NOVA1: variants seen among roughly 807,000 people sequenced by gnomAD.
The protein encoded by NOVA1 is NOVA alternative splicing regulator 1.
Under a neutral mutation model 38.0 loss-of-function variants are expected in NOVA1, and 7 were observed. The ratio of observed to expected loss-of-function variants is 0.18; its 90% confidence interval spans 0.10 to 0.35. The LOEUF (loss-of-function observed/expected upper bound fraction) is 0.35. Ranked by LOEUF, NOVA1 falls within the 10% of genes least tolerant of loss-of-function variation. The probability of loss-of-function intolerance (pLI) is 1.00; values close to 1 mark genes in which losing one functional copy is unlikely to be tolerated. For missense variants in NOVA1, 460 were observed against 616.0 expected (o/e 0.75, Z 2.68); for synonymous variants, 270 against 232.5 (o/e 1.16, Z -1.47).
At chr14:26,524,611 T>C (rs531400753) in intron 2 of NOVA1, among the ~76,000 whole-genome samples, 1 of 152,288 alleles carries the variant, frequency 6.6e-6, no homozygotes, top group African/African-American at 2.4e-5. Context: ...CTATATTAGG[T>C]CATCTTCCAG....
rs1218543297 is a variant in NOVA1 at position 26,448,198 on chromosome 14, G to C, written c.1285C>G (p.Pro429Ala). 2 of 1,614,026 alleles carry C rather than the reference G, an allele frequency of 1.2e-6. No individual in the cohort carries two copies. Among genetic ancestry groups the C allele is most frequent in the African/African-American group, 1.3e-5 (1 of 74,916 alleles). ...GSKDVVEIAV[P>A]ENLVGAILGK... Reference sequence around the variant, plus strand: ...AGTATTGCACCAACTAAGTTTTCTGGCACTGCTATTTCAACTACATCCTTG... The same window carrying C: ...AGTATTGCACCAACTAAGTTTTCTGCCACTGCTATTTCAACTACATCCTTG... The change falls in exon 5 of 5, where the codon CCA becomes GCA. Residue 429 changes from proline to alanine, a missense_variant. Pro to Ala is a conservative substitution (Grantham distance 27). Coordinates refer to ENST00000539517, the MANE Select transcript of NOVA1 (RefSeq NM_002515.3). The surrounding 1 kb of genome is among the most constrained non-coding windows in gnomAD (Gnocchi z 5.3).
chr14:26,450,710 G>T (rs1252649736), intron 4 of NOVA1, among the ~76,000 whole-genome samples: 1 of 152,056 alleles, frequency 6.6e-6, no homozygotes, highest in Non-Finnish European at 1.5e-5. Context: ...GTTACAATTA[G>T]AAAGTTAAAC....
At position 26,448,103 on chromosome 14, in the gene NOVA1, T is replaced by C; in HGVS notation, c.1380A>G (p.Lys460=). ...LTGARIQISK[K]GEFVPGTRNR... The stretch of plus-strand genomic sequence containing the variant: ...TCCTTGTGCCAGGTACGAATTCTCC[T>C]TTTTTGGAGATCTGTATCCTTGCAC... Residue 460 remains lysine (K), a synonymous_variant, in exon 5 of 5, where the codon AAA becomes AAG. Transcript: ENST00000539517. The surrounding 1 kb of genome is among the most constrained non-coding windows in gnomAD (Gnocchi z 5.3). 1 of 1,614,188 alleles carries C rather than the reference T, an allele frequency of 6.2e-7. No homozygotes were observed. Among genetic ancestry groups the C allele is most frequent in the Non-Finnish European group, 8.5e-7 (1 of 1,180,020 alleles).
intron 2 of NOVA1, chr14:26,593,120 C>CA (rs1653388585): frequency 6.6e-6 from 1 of 151,658 alleles, no homozygotes; most frequent in African/African-American, 2.4e-5. Flanking sequence ...ATGAAAGACA[C>CA]AAAAACGGGC....
At chr14:26,532,259 T>C (rs1022975385) in intron 2 of NOVA1, among the ~76,000 whole-genome samples, 1 of 152,326 alleles carries the variant, frequency 6.6e-6, no homozygotes, top group South Asian at 2.1e-4. Flanking sequence ...ATTTTATTCC[T>C]AATAGTCAAG....
chr14:26,469,461 A>G (rs1263725406), intron 4 of NOVA1, among the ~76,000 whole-genome samples: 1 of 152,208 alleles, frequency 6.6e-6, no homozygotes, highest in African/African-American at 2.4e-5. Context: ...TTTCATTAGC[A>G]CTTGACAGAT....
intron 2 of NOVA1, among the ~76,000 whole-genome samples, chr14:26,573,116 A>T (rs1173217133): frequency 6.6e-6 from 1 of 152,150 alleles, no homozygotes; most frequent in Non-Finnish European, 1.5e-5. Flanking sequence ...ATCCATAAAA[A>T]TGTCTGAGAT....
Position 26,444,986 on chromosome 14 carries a change from A to C in NOVA1, c.*2973T>G, listed in dbSNP as rs931006905. 1 of 152,208 alleles carries C rather than the reference A, an allele frequency of 6.6e-6. No homozygotes were observed. The highest frequency in any genetic ancestry group is 2.4e-5 in the African/African-American group (1 of 41,462). The allele number at this position is 152,208 out of a possible 1,614,324, so 9.4% of individuals were successfully genotyped here. A position where few individuals can be genotyped will look rare whatever the true frequency, so the allele number is the denominator to read the frequency against. ...GAGGTGTCCAATCTGTATGATAAAC[A>C]GCACACTGTGTCTCAGAGCGCCCAT... On this transcript the variant is annotated 3_prime_UTR_variant, in exon 5 of 5. Coordinates refer to ENST00000539517, the MANE Select transcript of NOVA1 (RefSeq NM_002515.3).
intron 2 of NOVA1, among the ~76,000 whole-genome samples, chr14:26,535,598 A>G (rs548466283): frequency 6.3e-4 from 96 of 152,308 alleles, no homozygotes; most frequent in African/African-American, 1.5e-3. Flanking sequence ...AAAATTTAGC[A>G]TGATTATAGT....
chr14:26,537,766 G>A (rs1251233208), intron 2 of NOVA1, among the ~76,000 whole-genome samples: 1 of 152,146 alleles, frequency 6.6e-6, no homozygotes, highest in Non-Finnish European at 1.5e-5. Context: ...ACAGTGATAA[G>A]TGCTGTGAAG....
At chr14:26,480,928 GTATT>G (rs1158565338) in intron 2 of NOVA1, among the ~76,000 whole-genome samples, 4 of 151,954 alleles carry the variant, frequency 2.6e-5, no homozygotes, top group Non-Finnish European at 4.4e-5. Flanking sequence ...ATTATTAATA[GTATT>G]TATTTAATAT....
In NOVA1 at chr14:26,572,725, AGTGTGTGTGT is replaced by A. The variant is rs56021646; in HGVS notation, c.280+22675_280+22684del. The stretch of plus-strand genomic sequence containing the variant: ...ACCTCAGCCTTATATAAGGAACCGC[AGTGTGTGTGT>A]GTGTGTGTGTGTGTGTGTGTGTGTG... On this transcript the variant is annotated intron_variant, in intron 2 of 4. Transcript: ENST00000539517. 2.6e-3 allele frequency among the ~76,000 whole-genome samples: 367 copies of A among 138,542 alleles called. 3 individuals carry two copies. The highest frequency in any genetic ancestry group is 4.2e-3 in the Admixed American group (56 of 13,404). The allele number at this position is 138,542 out of a possible 152,430, so 90.9% of individuals were successfully genotyped here.
intron 4 of NOVA1, among the ~76,000 whole-genome samples, chr14:26,462,915 C>T (rs2138211941): frequency 6.6e-6 from 1 of 152,150 alleles, no homozygotes; most frequent in South Asian, 2.1e-4. Flanking sequence ...ATTTTAAAAA[C>T]AAAGTAGAGA....
intron 2 of NOVA1, among the ~76,000 whole-genome samples, chr14:26,546,318 T>G (rs1281560690): frequency 2.6e-5 from 4 of 152,086 alleles, no homozygotes; most frequent in Admixed American, 2.6e-4. Flanking sequence ...ATCTCCCTAT[T>G]GCTTACAGTA....
chr14:26,576,114 A>C (rs938371103), intron 2 of NOVA1, among the ~76,000 whole-genome samples: 7 of 151,794 alleles, frequency 4.6e-5, no homozygotes, highest in African/African-American at 1.7e-4. Flanking sequence ...ATTTAGCACA[A>C]TATTCTAAAT....
intron 2 of NOVA1, among the ~76,000 whole-genome samples, chr14:26,517,832 A>G (rs1047678650): frequency 2.6e-5 from 4 of 152,158 alleles, no homozygotes; most frequent in Non-Finnish European, 4.4e-5. Flanking sequence ...TTGAACCACA[A>G]GAGGTTTACA....
intron 2 of NOVA1, among the ~76,000 whole-genome samples, chr14:26,514,498 T>C (rs1380797197): frequency 6.6e-6 from 1 of 151,836 alleles, no homozygotes; most frequent in East Asian, 1.9e-4. Flanking sequence ...AATATAAAGA[T>C]GTTAAACATT....
At chr14:26,503,081 AAC>A (rs774601674) in intron 2 of NOVA1, among the ~76,000 whole-genome samples, 7 of 152,094 alleles carry the variant, frequency 4.6e-5, no homozygotes, top group Non-Finnish European at 1.0e-4. Context: ...GCACTTAACA[AAC>A]ACATACTTTA....
chr14:26,466,414 T>C (rs948439503), intron 4 of NOVA1, among the ~76,000 whole-genome samples: 17 of 152,288 alleles, frequency 1.1e-4, no homozygotes, highest in African/African-American at 3.8e-4. Context: ...ATTAGGTATG[T>C]AAGTGGAAAG....
Sources: allele counts gnomAD v4.1 joint callset (sites outside exome capture counted in the v4.1 genomes callset), GRCh38; gene constraint gnomAD v4.1.1; non-coding constraint Gnocchi (gnomAD v3.1); transcripts MANE v1.5; gene names NCBI Gene and HGNC (gene_info 2026-07-23, HGNC 2026-07-21).